FAM184B: variants seen among roughly 807,000 people sequenced by gnomAD.
FAM184B encodes the protein family with sequence similarity 184 member B, also known as protein FAM184B.
Under a neutral mutation model 135.9 loss-of-function variants are expected in FAM184B, and 111 were observed. The ratio of observed to expected loss-of-function variants is 0.82; its 90% CI spans 0.70 to 0.96. FAM184B has a LOEUF of 0.96. FAM184B is among the 40% of genes least tolerant of loss of function. FAM184B has a pLI of 0.00. For missense variants in FAM184B, 1,375 were observed against 1,323.9 expected (o/e 1.04, Z -0.60); for synonymous variants, 552 against 524.8 (o/e 1.05, Z -0.71).
chr4:17,653,046 C>T (rs1715670960), intron 10 of FAM184B, 63 bp from the exon 11 acceptor site: 3 of 1,465,568 alleles, frequency 2.0e-6, no homozygotes, highest in South Asian at 1.2e-5. Flanking sequence ...GACCTGACTC[C>T]TTTGCCAAGC....
intron 1 of FAM184B, among the ~76,000 whole-genome samples, chr4:17,774,206 G>A (rs113124104): frequency 1.5e-4 from 23 of 152,024 alleles, no homozygotes; most frequent in African/African-American, 2.9e-4. Flanking sequence ...GTGAGACCTC[G>A]TCTCTACCAA....
chr4:17,728,433 T>C (rs1717693360), intron 1 of FAM184B, among the ~76,000 whole-genome samples: 1 of 152,180 alleles, frequency 6.6e-6, no homozygotes, highest in Non-Finnish European at 1.5e-5. Flanking sequence ...GAACATATTT[T>C]GGATAGTGCT....
In FAM184B at chr4:17,704,750, T is replaced by C. The variant is rs1161790296; in HGVS notation, c.1377+250A>G. Reference sequence around the variant, plus strand: ...CACAATTCCACCCCATGTCAATGACTCCAGGCCTATAGGGGTGTCCCCCAT... The same window carrying C: ...CACAATTCCACCCCATGTCAATGACCCCAGGCCTATAGGGGTGTCCCCCAT... On this transcript the variant is annotated intron_variant, in intron 5 of 17. Transcript: ENST00000265018. Among the ~76,000 whole-genome samples the C allele has an allele frequency of 2.6e-5, 4 of 152,232 alleles. No individual in the cohort carries two copies. In the East Asian group the frequency reaches 7.7e-4, roughly 29 times the overall value.
Position 17,642,066 on chromosome 4 carries a change from C to G in FAM184B, c.2509G>C (p.Asp837His), listed in dbSNP as rs541818051. 2.0e-6 allele frequency: 3 copies of G among 1,530,794 alleles called. No homozygotes were observed. In the African/African-American group the frequency reaches 4.2e-5, roughly 21 times the overall value. 94.8% of individuals were successfully genotyped at this position (1,530,794 alleles called of 1,614,324 possible). ...QHQQEAQKLR[D>H]QRRFLEETQQ... is the part of the protein sequence containing the mutation. ...CGCCGGGTCACCCACCTGCGCTGGT[C>G]TCGGAGCTTCTGCGCCTCCTGCTGA... The change falls in exon 13 of 18, where the codon GAC becomes CAC. Residue 837 changes from aspartate (D) to histidine (H), a missense_variant. Transcript: ENST00000265018.
intron 13 of FAM184B, among the ~76,000 whole-genome samples, chr4:17,639,964 G>A (rs2108929262): frequency 6.6e-6 from 1 of 151,894 alleles, no homozygotes; most frequent in East Asian, 2.0e-4. Context: ...AAGTGGCTGG[G>A]ATTACAGGCG....
chr4:17,742,564 T>C (rs993221892), intron 1 of FAM184B, among the ~76,000 whole-genome samples: 1 of 152,120 alleles, frequency 6.6e-6, no homozygotes, highest in Non-Finnish European at 1.5e-5. Flanking sequence ...CCTGTGCCTA[T>C]AAAAGATTTC....
Position 17,680,344 on chromosome 4 carries a change from T to C in FAM184B, c.1596+8080A>G, listed in dbSNP as rs76445790. 2.4e-3 allele frequency among the ~76,000 whole-genome samples: 366 copies of C among 152,292 alleles called. 4 individuals carry two copies. The highest frequency in any genetic ancestry group is 8.1e-3 in the African/African-American group (335 of 41,558). On this transcript the variant is annotated intron_variant, in intron 7 of 17. Transcript: ENST00000265018. ...GTCTTGTACCTGGTTGCACTAAATATATAATAGTTCTCTCTTGTGAAAACC... is the reference window on the plus strand; with the variant it reads ...GTCTTGTACCTGGTTGCACTAAATACATAATAGTTCTCTCTTGTGAAAACC...
In FAM184B at chr4:17,777,926, T is replaced by G. The variant is rs993407373; in HGVS notation, c.141+3233A>C. On this transcript the variant is annotated intron_variant, in intron 1 of 17. Coordinates refer to ENST00000265018, the MANE Select transcript of FAM184B (RefSeq NM_015688.2). ...CAGCCTGGGCAACATAGTGAGACCCTGTCTCTACAAAAAATTTTTTAAAAA... is the reference window on the plus strand; with the variant it reads ...CAGCCTGGGCAACATAGTGAGACCCGGTCTCTACAAAAAATTTTTTAAAAA... 2.6e-5 allele frequency among the ~76,000 whole-genome samples: 4 copies of G among 152,104 alleles called. No individual in the cohort carries two copies. In the South Asian group the frequency reaches 8.3e-4, roughly 32 times the overall value.
chr4:17,642,266 G>C (rs1176614264), intron 12 of FAM184B, 38 bp from the exon 13 acceptor site: 2 of 1,435,994 alleles, frequency 1.4e-6, no homozygotes, highest in Non-Finnish European at 1.8e-6. Context: ...TTCAGGAGGC[G>C]CAGGGGCAGA....
rs939302642 is a variant in FAM184B, at chr4:17,630,581, T to C, written c.*1951A>G. The C allele has an allele frequency of 3.3e-5, 5 of 152,194 alleles. No homozygotes were observed. Among genetic ancestry groups the C allele is most frequent in the African/African-American group, 9.7e-5 (4 of 41,444 alleles). 9.4% of individuals were successfully genotyped at this position (152,194 alleles called of 1,614,324 possible). A position where few individuals can be genotyped will look rare whatever the true frequency, so the allele number is the denominator to read the frequency against. On this transcript the variant is annotated 3_prime_UTR_variant, in exon 18 of 18. Coordinates refer to ENST00000265018, the MANE Select transcript of FAM184B (RefSeq NM_015688.2). ...TAAATTATCCAGTATAAGTAAGATA[T>C]TTTGTTAGAGCAGCCTGAACGAACT...
chr4:17,668,699 ATTT>A lies in FAM184B; in HGVS notation c.1597-4043_1597-4041del, dbSNP rs541206537. On this transcript the variant is annotated intron_variant, in intron 7 of 17. Transcript: ENST00000265018. ...AGGCGTGTGACAACACGCCCGGCTAATTTTTTTATTTTTTTGAGTAGAGATGGG... is the reference window on the plus strand; with the variant it reads ...AGGCGTGTGACAACACGCCCGGCTAATTTTATTTTTTTGAGTAGAGATGGG... 2.4e-3 allele frequency among the ~76,000 whole-genome samples: 361 copies of A among 152,128 alleles called. 8 individuals are homozygous for A. Among genetic ancestry groups the A allele is most frequent in the African/African-American group, 8.5e-3 (351 of 41,496 alleles).
At chr4:17,647,196 G>A (rs1025259395) in intron 12 of FAM184B, among the ~76,000 whole-genome samples, 1 of 151,526 alleles carries the variant, frequency 6.6e-6, no homozygotes, top group Non-Finnish European at 1.5e-5. Flanking sequence ...GTGGAGAAGG[G>A]TCTTCCCCAC....
chr4:17,655,356 G>C (rs1297960593), intron 10 of FAM184B, among the ~76,000 whole-genome samples: 1 of 152,168 alleles, frequency 6.6e-6, no homozygotes, highest in Non-Finnish European at 1.5e-5. Flanking sequence ...CTGGGGGCAA[G>C]TAAAGGTTCA....
chr4:17,693,513 G>A, intron 5 of FAM184B, 101 bp from the exon 6 acceptor site: 1 of 872,066 alleles, frequency 1.1e-6, no homozygotes, highest in Non-Finnish European at 1.8e-6. Flanking sequence ...AAGCTTATGA[G>A]TGTCATACAA....
chr4:17,642,103 C>T lies in FAM184B; in HGVS notation c.2472G>A (p.Glu824=). The change falls in exon 13 of 18, where the codon GAG becomes GAA. Residue 824 remains glutamate (E), a synonymous_variant. Transcript: ENST00000265018. ...LQDAVRRLRA[E]VEQHQQEAQK... ...GCGCCTCCTGCTGATGCTGCTCCAC[C>T]TCCGCGCGCAGCCGCCGCACCGCGT... is the stretch of plus-strand genomic sequence containing the variant. The T allele has an allele frequency of 1.3e-6, 2 of 1,532,896 alleles. No individual in the cohort carries two copies. Among genetic ancestry groups the T allele is most frequent in the Non-Finnish European group, 1.7e-6 (2 of 1,145,336 alleles). The allele number at this position is 1,532,896 out of a possible 1,614,324, so 95.0% of individuals were successfully genotyped here.
chr4:17,701,792 A>T (rs1221101252), intron 5 of FAM184B, among the ~76,000 whole-genome samples: 2 of 152,186 alleles, frequency 1.3e-5, no homozygotes, highest in Non-Finnish European at 2.9e-5. Flanking sequence ...CCACAGTGTG[A>T]CGTAGCTAAT....
chr4:17,781,465 C>T lies in FAM184B; in HGVS notation c.-166G>A, dbSNP rs185314824. The T allele has an allele frequency of 1.5e-3, 1,223 of 823,670 alleles. 36 individuals are homozygous for T. The Admixed American group carries it at 0.045, about 30-fold the overall frequency. The allele number at this position is 823,670 out of a possible 1,614,324, so 51.0% of individuals were successfully genotyped here. A position where few individuals can be genotyped will look rare whatever the true frequency, so the allele number is the denominator to read the frequency against. ...GCCCCAGCTTCCCGAAGGTCTCCGC[C>T]TCCCGGGCCCACCCGCGCGCCCACC... is the stretch of plus-strand genomic sequence containing the variant. On this transcript the variant is annotated 5_prime_UTR_variant, in exon 1 of 18. Transcript: ENST00000265018. This position sits in a 1 kb window ranked among gnomAD's most constrained non-coding sequence, Gnocchi z 6.5.
chr4:17,722,273 C>T (rs1329088273), intron 1 of FAM184B, among the ~76,000 whole-genome samples: 1 of 152,154 alleles, frequency 6.6e-6, no homozygotes. Flanking sequence ...GTTCTGGGCA[C>T]CAAGTCAGAA....
At chr4:17,716,234 G>T (rs1470247371) in intron 1 of FAM184B, among the ~76,000 whole-genome samples, 3 of 152,120 alleles carry the variant, frequency 2.0e-5, no homozygotes, top group African/African-American at 7.2e-5. Flanking sequence ...CTGCTCCCCA[G>T]GACATGTACT....
Sources: gnomAD v4.1 joint callset for allele counts (sites outside exome capture counted in the v4.1 genomes callset) on GRCh38, gnomAD v4.1.1 for gene constraint, Gnocchi (gnomAD v3.1) non-coding constraint, MANE v1.5 for transcripts, NCBI Gene and HGNC (gene_info 2026-07-23, HGNC 2026-07-21) for gene names.